Variants in TARS2 observed in about 807,000 individuals in gnomAD.
The protein encoded by TARS2 is threonine--tRNA ligase, mitochondrial.
TARS2 carries 61 observed loss-of-function variants against 94.4 expected under a neutral mutation model. That is an observed-to-expected ratio of 0.65 (90% CI 0.53 to 0.80). TARS2 has a LOEUF of 0.80. TARS2 is among the 30% of genes least tolerant of loss of function. The probability of loss-of-function intolerance (pLI) is 0.00; values close to 1 mark genes in which losing one functional copy is unlikely to be tolerated. For missense variants in TARS2, 704 were observed against 902.5 expected (o/e 0.78, Z 2.82); for synonymous variants, 359 against 353.4 (o/e 1.02, Z -0.18).
At chr1:150,506,815 C>T in intron 17 of TARS2, 101 bp from the exon 18 acceptor site, 1 of 1,499,808 alleles carries the variant, frequency 6.7e-7, no homozygotes, top group East Asian at 2.3e-5. Flanking sequence ...CTGCTCCCAC[C>T]CTTCCTAAAG....
At position 150,504,887 on chromosome 1, in the gene TARS2, C is replaced by T. The variant is rs776772168; in HGVS notation, c.1821-19C>T. The stretch of plus-strand genomic sequence containing the variant: ...AGCCAGAGTGACTAATTTGCCATCA[C>T]CTGTTCTTTCCCTACCAGGCCACTG... On this transcript the variant is annotated intron_variant, in intron 15 of 17. Coordinates refer to ENST00000369064, the MANE Select transcript of TARS2 (RefSeq NM_025150.5). 4 of 1,614,166 alleles carry T rather than the reference C, an allele frequency of 2.5e-6. No homozygotes were observed. The South Asian group carries it at 4.4e-5, about 18-fold the overall frequency.
At position 150,487,427 on chromosome 1, in the gene TARS2, A is replaced by C. The variant is rs370477849; in HGVS notation, c.-24A>C. 1.2e-6 allele frequency: 2 copies of C among 1,614,150 alleles called. No homozygotes were observed. The highest frequency in any genetic ancestry group is 1.7e-6 in the Non-Finnish European group (2 of 1,180,028). Reference sequence around the variant, plus strand: ...AGAAGCGGCGATAATCTGTTTGAGGATGTAGGCACTGGTGTGAAGGAACAT... The same window carrying C: ...AGAAGCGGCGATAATCTGTTTGAGGCTGTAGGCACTGGTGTGAAGGAACAT... On this transcript the variant is annotated 5_prime_UTR_variant, in exon 1 of 18. An upstream start codon of the reference 5' UTR is lost. Transcript: ENST00000369064.
Position 150,496,641 on chromosome 1 carries a change from G to A in TARS2, c.921+13G>A, listed in dbSNP as rs1669674759. The A allele has an allele frequency of 6.2e-7, 1 of 1,610,668 alleles. No homozygotes were observed. On this transcript the variant is annotated intron_variant, in intron 8 of 17. Coordinates refer to ENST00000369064, the MANE Select transcript of TARS2 (RefSeq NM_025150.5). ...GCGCATTGGGAAGGTACAGGAATTG[G>A]GAAGATAGGGAGGGATGGTGATAAG...
chr1:150,504,888 C>G lies in TARS2; in HGVS notation c.1821-18C>G. The G allele has an allele frequency of 6.2e-7, 1 of 1,614,168 alleles. No individual in the cohort carries two copies. Among genetic ancestry groups the G allele is most frequent in the Non-Finnish European group, 8.5e-7 (1 of 1,179,986 alleles). On this transcript the variant is annotated intron_variant, in intron 15 of 17. Transcript: ENST00000369064. ...GCCAGAGTGACTAATTTGCCATCACCTGTTCTTTCCCTACCAGGCCACTGT... is the reference window on the plus strand; with the variant it reads ...GCCAGAGTGACTAATTTGCCATCACGTGTTCTTTCCCTACCAGGCCACTGT...
At chr1:150,506,683 C>A (rs758445770) in intron 17 of TARS2, among the ~76,000 whole-genome samples, 20 of 151,658 alleles carry the variant, frequency 1.3e-4, no homozygotes, top group Non-Finnish European at 2.8e-4. Flanking sequence ...GGCTCTTGAC[C>A]AGAAGCGATA....
chr1:150,495,105 G>C (rs372483071), intron 7 of TARS2, among the ~76,000 whole-genome samples: 1 of 151,898 alleles, frequency 6.6e-6, no homozygotes, highest in Non-Finnish European at 1.5e-5. Context: ...CGTGAACCCT[G>C]GGGGGTGGAG....
intron 2 of TARS2, 55 bp from the exon 3 acceptor site, chr1:150,488,909 T>G (rs1669261051): frequency 1.3e-6 from 2 of 1,583,454 alleles, no homozygotes; most frequent in African/African-American, 1.4e-5. Flanking sequence ...GATATTTTCC[T>G]TTTTGTGCCT....
intron 13 of TARS2, among the ~76,000 whole-genome samples, chr1:150,503,641 A>G (rs28541919): frequency 2.7e-4 from 27 of 100,384 alleles, no homozygotes; most frequent in Admixed American, 1.1e-3. Context: ...ATGTGTGTGT[A>G]TATATGTGTG....
chr1:150,487,429 G>A lies in TARS2; in HGVS notation c.-22G>A, dbSNP rs201336268. ...AAGCGGCGATAATCTGTTTGAGGAT[G>A]TAGGCACTGGTGTGAAGGAACATGG... On this transcript the variant is annotated 5_prime_UTR_variant, in exon 1 of 18. It removes an upstream start codon present in the reference 5' UTR. Coordinates refer to ENST00000369064, the MANE Select transcript of TARS2 (RefSeq NM_025150.5). The A allele has an allele frequency of 6.3e-4, 1,025 of 1,614,180 alleles. 12 individuals are homozygous for A. In the African/African-American group the frequency reaches 0.012, roughly 19 times the overall value.
In TARS2 at chr1:150,491,655, G is replaced by A; in HGVS notation, c.688G>A (p.Val230Ile). 2 of 1,614,152 alleles carry A rather than the reference G, an allele frequency of 1.2e-6. No homozygotes were observed. Among genetic ancestry groups the A allele is most frequent in the Non-Finnish European group, 1.7e-6 (2 of 1,180,018 alleles). Residue 230 changes from valine (V) to isoleucine (I), a missense_variant, in exon 6 of 18, where the codon GTA becomes ATA. Coordinates refer to ENST00000369064, the MANE Select transcript of TARS2 (RefSeq NM_025150.5). ...GAAAGTGACAGGTCCAACAGCAACA[G>A]TATATGGGTAAGAGTTGTCAAGATT... ...EEKVTGPTAT[V>I]YGCGTLVDLC...
intron 13 of TARS2, among the ~76,000 whole-genome samples, chr1:150,501,636 G>A (rs924775333): frequency 2.0e-5 from 3 of 150,976 alleles, no homozygotes; most frequent in South Asian, 4.2e-4. Context: ...GCGCCCGACC[G>A]TCTCTACAAA....
Position 150,496,860 on chromosome 1 carries a change from C to T in TARS2, c.972C>T (p.Phe324=), listed in dbSNP as rs139427355. Residue 324 remains phenylalanine, a synonymous_variant, in exon 9 of 18, where the codon TTC becomes TTT. Coordinates refer to ENST00000369064, the MANE Select transcript of TARS2 (RefSeq NM_025150.5). ...FHELSPGSCF[F]LPRGTRVYNA... is the part of the protein sequence containing the mutation. ...AACTGAGCCCTGGGAGCTGCTTCTTCCTGCCACGAGGGACAAGGGTGTATA... is the reference window on the plus strand; with the variant it reads ...AACTGAGCCCTGGGAGCTGCTTCTTTCTGCCACGAGGGACAAGGGTGTATA... The T allele has an allele frequency of 3.1e-6, 5 of 1,613,978 alleles. No individual in the cohort carries two copies. In the African/African-American group the frequency reaches 6.7e-5, roughly 22 times the overall value.
chr1:150,506,884 C>T, intron 17 of TARS2, 32 bp from the exon 18 acceptor site: 1 of 1,612,672 alleles, frequency 6.2e-7, no homozygotes, highest in Non-Finnish European at 8.5e-7. Flanking sequence ...GGTGAATTTG[C>T]CCTGAGGTTC....
intron 2 of TARS2, 175 bp downstream of exon 2, chr1:150,488,229 C>CT: frequency 1.4e-6 from 1 of 708,606 alleles, no homozygotes. Flanking sequence ...CAGACGGGGT[C>CT]TCTCCATGTT....
chr1:150,487,937 G>A lies in TARS2; in HGVS notation c.146G>A (p.Arg49Lys). Residue 49 changes from arginine (R) to lysine (K), a missense_variant, in exon 2 of 18, where the codon AGA becomes AAA. By Grantham distance (26) the Arg-to-Lys change is conservative. Around this residue, in one of 3 missense-constraint regions of TARS2, gnomAD observed 208 missense variants for 228.5 expected, o/e 0.91. Coordinates refer to ENST00000369064, the MANE Select transcript of TARS2 (RefSeq NM_025150.5). ...GAGCTGTGGGCTGCTCAGGTAAAGA[G>A]ATTAGCAAGCATGGCACAGAAGGAA... Reference protein sequence around the residue: ...FEELWAAQVKRLASMAQKEPR... With the variant: ...FEELWAAQVKKLASMAQKEPR... The A allele has an allele frequency of 6.2e-7, 1 of 1,614,062 alleles. No homozygotes were observed. The highest frequency in any genetic ancestry group is 1.1e-5 in the South Asian group (1 of 91,070).
chr1:150,496,507 C>G lies in TARS2; in HGVS notation c.800C>G (p.Ser267Ter). The G allele has an allele frequency of 6.2e-7, 1 of 1,613,940 alleles. No individual in the cohort carries two copies. Among genetic ancestry groups the G allele is most frequent in the East Asian group, 2.2e-5 (1 of 44,874 alleles). Residue 267 changes from serine (S) to a stop codon, truncating the protein, a stop_gained, in exon 8 of 18, where the codon TCA (serine) becomes TGA (stop). Coordinates refer to ENST00000369064, the MANE Select transcript of TARS2 (RefSeq NM_025150.5). LOFTEE classifies it high-confidence loss of function. ...LSNSSSLWRS[S>*]GAPETLQRVS... ...AACTCATCATCCTTATGGAGGTCTT[C>G]AGGGGCCCCAGAGACACTGCAGAGA... is the stretch of plus-strand genomic sequence containing the variant.
chr1:150,492,522 C>G, intron 7 of TARS2, 33 bp downstream of exon 7: 1 of 1,608,870 alleles, frequency 6.2e-7, no homozygotes. Flanking sequence ...GTTAAGATTC[C>G]TATTTTGAGC....
chr1:150,497,407 G>A (rs1669711867), intron 9 of TARS2, 123 bp from the exon 10 acceptor site: 1 of 806,994 alleles, frequency 1.2e-6, no homozygotes, highest in Non-Finnish European at 2.0e-6. Flanking sequence ...ATGGGACCTG[G>A]TATTTAATAG....
chr1:150,503,573 G>GTATA (rs1271068151), intron 13 of TARS2, among the ~76,000 whole-genome samples: 10,806 of 126,408 alleles, frequency 0.085, 603 homozygotes, highest in Non-Finnish European at 0.12. Context: ...GTGTGTGTGT[G>GTATA]TGTGTATATA....
Sources: allele counts gnomAD v4.1 joint callset (sites outside exome capture counted in the v4.1 genomes callset), GRCh38; gene constraint gnomAD v4.1.1; regional missense constraint gnomAD v4.1.1; transcripts MANE v1.5; gene names NCBI Gene and HGNC (gene_info 2026-07-23, HGNC 2026-07-21).